Variants in ZCWPW1 observed in about 807,000 individuals in gnomAD.
ZCWPW1 encodes zinc finger CW-type and PWWP domain containing 1.
Under a neutral mutation model 81.3 loss-of-function variants are expected in ZCWPW1, and 56 were observed. That is an observed-to-expected ratio of 0.69 (90% CI 0.56 to 0.86). The LOEUF (loss-of-function observed/expected upper bound fraction) is 0.86. Among genes scored for constraint, ZCWPW1 ranks in the 40% least tolerant of loss-of-function variants. ZCWPW1 has a pLI of 0.00. For synonymous variants in ZCWPW1, 250 were observed against 273.7 expected (o/e 0.91, Z 0.86); for missense variants, 650 against 769.8 (o/e 0.84, Z 1.84).
In ZCWPW1 at chr7:100,407,293, T is replaced by A; in HGVS notation, c.1003A>T (p.Met335Leu). 1 of 1,613,760 alleles carries A rather than the reference T, an allele frequency of 6.2e-7. No homozygotes were observed. Among genetic ancestry groups the A allele is most frequent in the African/African-American group, 1.3e-5 (1 of 75,050 alleles). The stretch of plus-strand genomic sequence containing the variant: ...CCTAAGTCAGGATCAGATTCTATCA[T>A]GCCTGGCCACCTGGAGAAGATAGTT... ...KQYGYPWWPG[M>L]IESDPDLGEY... Residue 335 changes from methionine to leucine, a missense_variant, in exon 11 of 18, where the codon ATG (methionine) becomes TTG (leucine). Met to Leu is a conservative substitution (Grantham distance 15). Coordinates refer to ENST00000684423, the MANE Select transcript of ZCWPW1 (RefSeq NM_001386010.1).
At chr7:100,403,599 G>T in intron 15 of ZCWPW1, 95 bp downstream of exon 15, 1 of 1,113,506 alleles carries the variant, frequency 9.0e-7, no homozygotes, top group Non-Finnish European at 1.3e-6. Context: ...TGAGGTGGGA[G>T]GATTGCCTAA....
intron 1 of ZCWPW1, among the ~76,000 whole-genome samples, chr7:100,425,984 T>C (rs1340578405): frequency 6.6e-6 from 1 of 152,188 alleles, no homozygotes; most frequent in African/African-American, 2.4e-5. Flanking sequence ...ACTGACCTAG[T>C]GAAATAACTT....
intron 2 of ZCWPW1, among the ~76,000 whole-genome samples, chr7:100,423,074 A>G (rs2130853196): frequency 6.6e-6 from 1 of 152,318 alleles, no homozygotes; most frequent in East Asian, 1.9e-4. Flanking sequence ...AAAGCATTAT[A>G]GCTCTGGGAA....
At chr7:100,406,264 T>A (rs1340432141) in intron 12 of ZCWPW1, among the ~76,000 whole-genome samples, 1 of 151,992 alleles carries the variant, frequency 6.6e-6, no homozygotes, top group Non-Finnish European at 1.5e-5. Flanking sequence ...ATGGGCAGGG[T>A]GGAGGTGGGG....
At chr7:100,405,899 A>T (rs1369140632) in intron 12 of ZCWPW1, among the ~76,000 whole-genome samples, 1 of 152,186 alleles carries the variant, frequency 6.6e-6, no homozygotes, top group East Asian at 1.9e-4. Context: ...TGCTGGGATT[A>T]CAGGTGTGAG....
intron 8 of ZCWPW1, among the ~76,000 whole-genome samples, chr7:100,410,318 T>TG: frequency 6.6e-6 from 1 of 152,262 alleles, no homozygotes; most frequent in East Asian, 1.9e-4. Flanking sequence ...TTCTGAAGCC[T>TG]GGAGACCCAC....
chr7:100,403,891 C>T (rs1792436718), intron 14 of ZCWPW1, 106 bp from the exon 15 acceptor site: 2 of 1,212,958 alleles, frequency 1.6e-6, no homozygotes, highest in South Asian at 1.3e-5. Flanking sequence ...CTTTTGTGTA[C>T]AAGTGGTATT....
At chr7:100,410,529 G>A (rs1793960925) in intron 8 of ZCWPW1, among the ~76,000 whole-genome samples, 1 of 152,148 alleles carries the variant, frequency 6.6e-6, no homozygotes, top group African/African-American at 2.4e-5. Flanking sequence ...CATCTCCCTT[G>A]TAGAGATGCT....
intron 2 of ZCWPW1, among the ~76,000 whole-genome samples, chr7:100,424,135 A>G (rs1796879962): frequency 6.6e-6 from 1 of 152,158 alleles, no homozygotes; most frequent in Admixed American, 6.5e-5. Context: ...TTGACCACAA[A>G]TGACAAATAT....
At chr7:100,412,149 A>G (rs920953412) in intron 8 of ZCWPW1, among the ~76,000 whole-genome samples, 8 of 152,092 alleles carry the variant, frequency 5.3e-5, no homozygotes, top group Non-Finnish European at 1.2e-4. Context: ...AAGCCCAATC[A>G]TGGGCCTTCT....
At chr7:100,415,864 T>G in intron 8 of ZCWPW1, 111 bp downstream of exon 8, 1 of 1,370,382 alleles carries the variant, frequency 7.3e-7, no homozygotes, top group South Asian at 1.3e-5. Flanking sequence ...CAAGCAGCTG[T>G]GAGAGATTGA....
chr7:100,415,102 T>TA (rs1280161734), intron 8 of ZCWPW1, among the ~76,000 whole-genome samples: 3 of 127,180 alleles, frequency 2.4e-5, no homozygotes, highest in Non-Finnish European at 3.4e-5. Context: ...TTTTTTTTTT[T>TA]AGACAGAGTC....
Position 100,401,054 on chromosome 7 carries a change from C to A in ZCWPW1, c.1910G>T (p.Ser637Ile). 1 of 1,613,962 alleles carries A rather than the reference C, an allele frequency of 6.2e-7. No individual in the cohort carries two copies. Among genetic ancestry groups the A allele is most frequent in the Non-Finnish European group, 8.5e-7 (1 of 1,179,878 alleles). The change falls in exon 18 of 18, where the codon AGT becomes ATT. Residue 637 changes from serine to isoleucine, a missense_variant. Transcript: ENST00000684423. ...CGCCACGGGGAAGTCCTCGCCATCACTGTTGCTGTGCTGCAGCTCCCCGCT... is the reference window on the plus strand; with the variant it reads ...CGCCACGGGGAAGTCCTCGCCATCAATGTTGCTGTGCTGCAGCTCCCCGCT... The part of the protein sequence containing the change: ...GQSGELQHSN[S>I]DGEDFPVALF...
At chr7:100,413,622 T>C (rs1794639239) in intron 8 of ZCWPW1, among the ~76,000 whole-genome samples, 1 of 152,244 alleles carries the variant, frequency 6.6e-6, no homozygotes, top group South Asian at 2.1e-4. Context: ...GGTTTATTTA[T>C]AGCAGGAGGC....
intron 4 of ZCWPW1, 123 bp downstream of exon 4, chr7:100,419,507 G>A (rs2130798225): frequency 1.4e-6 from 2 of 1,476,252 alleles, no homozygotes; most frequent in East Asian, 4.7e-5. Context: ...CCCTCAAAAA[G>A]GAATACAAAC....
intron 2 of ZCWPW1, among the ~76,000 whole-genome samples, chr7:100,422,017 A>G (rs1473378947): frequency 6.6e-6 from 1 of 152,158 alleles, no homozygotes; most frequent in Non-Finnish European, 1.5e-5. Context: ...CTTGATTACT[A>G]ATGACACTGT....
At chr7:100,412,776 T>C (rs1342025116) in intron 8 of ZCWPW1, among the ~76,000 whole-genome samples, 1 of 152,144 alleles carries the variant, frequency 6.6e-6, no homozygotes, top group Non-Finnish European at 1.5e-5. Context: ...AGAGACGGGG[T>C]TTCACCATGT....
intron 5 of ZCWPW1, 62 bp from the exon 6 acceptor site, chr7:100,417,245 C>A: frequency 7.6e-7 from 1 of 1,320,386 alleles, no homozygotes. Flanking sequence ...TCTATTACTC[C>A]CTAACATTTT....
intron 5 of ZCWPW1, among the ~76,000 whole-genome samples, chr7:100,418,219 C>A (rs1795707764): frequency 2.0e-5 from 3 of 152,306 alleles, no homozygotes; most frequent in Admixed American, 1.3e-4. Flanking sequence ...AAAACTAAAT[C>A]TCTAACCACA....
Sources: gnomAD v4.1 joint callset for allele counts (sites outside exome capture counted in the v4.1 genomes callset) on GRCh38, gnomAD v4.1.1 for gene constraint, MANE v1.5 for transcripts, NCBI Gene and HGNC (gene_info 2026-07-23, HGNC 2026-07-21) for gene names.